Variants in CPNE8 observed in about 807,000 individuals in gnomAD.
CPNE8 encodes copine-8.
In CPNE8, 45 loss-of-function variants were observed where a neutral mutation model predicts 81.5. That is an observed-to-expected ratio of 0.55 (90% CI 0.44 to 0.71). The LOEUF (loss-of-function observed/expected upper bound fraction) is 0.71, where lower values mean the gene tolerates loss of function less well. Among genes scored for constraint, CPNE8 ranks in the 30% least tolerant of loss-of-function variants. The pLI is 0.00. For synonymous variants in CPNE8, 252 were observed against 226.3 expected (o/e 1.11, Z -1.02); for missense variants, 594 against 672.1 (o/e 0.88, Z 1.28).
intron 13 of CPNE8, among the ~76,000 whole-genome samples, chr12:38,715,794 G>A (rs902216219): frequency 3.3e-5 from 5 of 151,986 alleles, no homozygotes; most frequent in Admixed American, 6.6e-5. Context: ...CCTACCCAGC[G>A]CAATCAGACA....
chr12:38,875,245 A>G (rs2137110785), intron 1 of CPNE8, among the ~76,000 whole-genome samples: 1 of 152,290 alleles, frequency 6.6e-6, no homozygotes, highest in South Asian at 2.1e-4. Flanking sequence ...GCTCATAACA[A>G]TAACCCTGAG....
rs536397179 is a variant in CPNE8, at chr12:38,857,740, A to C, written c.187-9078T>G. Among the ~76,000 whole-genome samples, 91 of 151,924 alleles carry C rather than the reference A, an allele frequency of 6.0e-4. 1 individual carries two copies. The highest frequency in any genetic ancestry group is 9.4e-4 in the Non-Finnish European group (64 of 67,896). On this transcript the variant is annotated intron_variant, in intron 3 of 19. Coordinates refer to ENST00000331366, the MANE Select transcript of CPNE8 (RefSeq NM_153634.3). ...AGCCTGGCCAACATGGCGAACCCCC[A>C]AAAAAAATAGCCGGGCATGGTGGCA...
chr12:38,905,766 G>A, upstream of CPNE8: 1 of 1,393,458 alleles, frequency 7.2e-7, no homozygotes, highest in Non-Finnish European at 9.3e-7. Context: ...AGTGGCGCGC[G>A]GGGATCCCGG....
chr12:38,856,787 A>G (rs755435525), intron 3 of CPNE8, among the ~76,000 whole-genome samples: 3 of 152,184 alleles, frequency 2.0e-5, no homozygotes, highest in Non-Finnish European at 4.4e-5. Flanking sequence ...GAAGACAGCT[A>G]CTATATCAAT....
intron 6 of CPNE8, among the ~76,000 whole-genome samples, chr12:38,809,205 C>T (rs117224362): frequency 1.3e-4 from 20 of 152,290 alleles, no homozygotes; most frequent in Non-Finnish European, 2.5e-4. Context: ...GGGAATTCTG[C>T]TTAGGATCTC....
chr12:38,873,064 A>T lies in CPNE8; in HGVS notation c.140-14T>A. 1.4e-6 allele frequency: 2 copies of T among 1,466,998 alleles called. No individual in the cohort carries two copies. Among genetic ancestry groups the T allele is most frequent in the Non-Finnish European group, 1.9e-6 (2 of 1,054,250 alleles). 90.9% of individuals were successfully genotyped at this position (1,466,998 alleles called of 1,614,324 possible). A position where few individuals can be genotyped will look rare whatever the true frequency, so the allele number is the denominator to read the frequency against. On this transcript the variant is annotated splice_polypyrimidine_tract_variant and intron_variant, in intron 2 of 19. Transcript: ENST00000331366. ...ATAAGACACAAACTACAAAAGATGA[A>T]AAAATACGCACATATAAATGTCTTT... is the stretch of plus-strand genomic sequence containing the variant.
intron 13 of CPNE8, among the ~76,000 whole-genome samples, chr12:38,707,920 T>A (rs916013975): frequency 1.3e-5 from 2 of 152,170 alleles, no homozygotes; most frequent in Non-Finnish European, 2.9e-5. Flanking sequence ...TGCTATAGGA[T>A]GAAGAGAAAC....
At chr12:38,812,276 A>G (rs1043281395) in intron 6 of CPNE8, among the ~76,000 whole-genome samples, 1 of 152,198 alleles carries the variant, frequency 6.6e-6, no homozygotes, top group Non-Finnish European at 1.5e-5. Flanking sequence ...CAAATGGTAC[A>G]GTGTTGGTAT....
intron 5 of CPNE8, 66 bp downstream of exon 5, chr12:38,839,850 A>T: frequency 7.4e-7 from 1 of 1,346,748 alleles, no homozygotes; most frequent in Non-Finnish European, 1.0e-6. Flanking sequence ...CTTTAATATT[A>T]ATAAGTCAGC....
chr12:38,672,335 C>A (rs1454637720), intron 18 of CPNE8, among the ~76,000 whole-genome samples: 7 of 152,148 alleles, frequency 4.6e-5, no homozygotes, highest in African/African-American at 1.4e-4. Flanking sequence ...TAAAATATCT[C>A]CCACTTTTCA....
intron 10 of CPNE8, among the ~76,000 whole-genome samples, chr12:38,733,576 CTATGT>C (rs1044413240): frequency 6.6e-6 from 1 of 151,822 alleles, no homozygotes; most frequent in African/African-American, 2.4e-5. Flanking sequence ...AATAATTATT[CTATGT>C]TATAAGTTCC....
chr12:38,905,966 C>T, upstream of CPNE8: 1 of 985,280 alleles, frequency 1.0e-6, no homozygotes, highest in Non-Finnish European at 1.2e-6. Context: ...GTTTTGTCTC[C>T]ACCTCTGCAC....
chr12:38,797,063 C>G (rs1346371805), intron 6 of CPNE8, among the ~76,000 whole-genome samples: 1 of 152,156 alleles, frequency 6.6e-6, no homozygotes, highest in Non-Finnish European at 1.5e-5. Flanking sequence ...CTGGGTGGAG[C>G]CCACCACAGC....
At position 38,822,390 on chromosome 12, in the gene CPNE8, C is replaced by A. The variant is rs534555691; in HGVS notation, c.407+6989G>T. Among the ~76,000 whole-genome samples, 7 of 152,174 alleles carry A rather than the reference C, an allele frequency of 4.6e-5. No individual in the cohort carries two copies. The South Asian group carries it at 1.5e-3, about 32-fold the overall frequency. On this transcript the variant is annotated intron_variant, in intron 6 of 19. Transcript: ENST00000331366. ...GTAATCAAGTTTGGTTTAACACGGTCCTTTCCTTAAACTTGCTGAATTCCT... is the reference window on the plus strand; with the variant it reads ...GTAATCAAGTTTGGTTTAACACGGTACTTTCCTTAAACTTGCTGAATTCCT...
chr12:38,891,104 AT>A (rs888328522), intron 1 of CPNE8, among the ~76,000 whole-genome samples: 2 of 151,438 alleles, frequency 1.3e-5, no homozygotes, highest in Admixed American at 1.3e-4. Context: ...AAATTTTTGT[AT>A]TTTTTAGTAG....
intron 1 of CPNE8, among the ~76,000 whole-genome samples, chr12:38,901,004 T>A (rs1390945762): frequency 2.0e-5 from 3 of 152,170 alleles, no homozygotes; most frequent in African/African-American, 7.2e-5. Flanking sequence ...GGCAGATCAC[T>A]TGAGGTCAAG....
intron 14 of CPNE8, among the ~76,000 whole-genome samples, chr12:38,694,782 G>A (rs1387366423): frequency 1.3e-5 from 2 of 152,156 alleles, no homozygotes; most frequent in African/African-American, 2.4e-5. Context: ...AATGAGACTT[G>A]TAGCAGCATA....
chr12:38,747,749 A>G (rs1941261800), intron 10 of CPNE8, among the ~76,000 whole-genome samples: 1 of 152,136 alleles, frequency 6.6e-6, no homozygotes, highest in Non-Finnish European at 1.5e-5. Context: ...AAGATAGTAC[A>G]TAAGAAAAAT....
chr12:38,857,567 A>G (rs1472910095), intron 3 of CPNE8, among the ~76,000 whole-genome samples: 2 of 152,220 alleles, frequency 1.3e-5, no homozygotes, highest in Non-Finnish European at 2.9e-5. Context: ...AGGACATAGG[A>G]TTTCTCTGTA....
Sources: allele counts gnomAD v4.1 joint callset (sites outside exome capture counted in the v4.1 genomes callset), GRCh38; gene constraint gnomAD v4.1.1; transcripts MANE v1.5; gene names NCBI Gene and HGNC (gene_info 2026-07-23, HGNC 2026-07-21).